The following MARK4 variants were observed in gnomAD, a reference collection of about 807,000 sequenced individuals.
The protein encoded by MARK4 is MAP/microtubule affinity-regulating kinase 4.
In MARK4, 19 loss-of-function variants were observed where a neutral mutation model predicts 81.5. That is an observed-to-expected ratio of 0.23 (90% CI 0.16 to 0.34). The LOEUF (loss-of-function observed/expected upper bound fraction) is 0.34, where lower values mean the gene tolerates loss of function less well. Among genes scored for constraint, MARK4 ranks in the 10% least tolerant of loss-of-function variants. The pLI is 1.00. For synonymous variants in MARK4, 436 were observed against 439.0 expected (o/e 0.99, Z 0.08); for missense variants, 772 against 1,058.8 (o/e 0.73, Z 3.76).
chr19:45,271,716 GAGGGGCTGGGTGC>G lies in MARK4; in HGVS notation c.786+15_786+27del. 6.2e-7 allele frequency: 1 copy of G among 1,613,292 alleles called. No homozygotes were observed. Among genetic ancestry groups the G allele is most frequent in the South Asian group, 1.1e-5 (1 of 91,040 alleles). Reference sequence around the variant, plus strand: ...GACGGGCACAACCTCAAGGTACCGAGAGGGGCTGGGTGCAGGGGCATCAGCCCCTCCCCACAGT... The same window carrying G: ...GACGGGCACAACCTCAAGGTACCGAGAGGGGCATCAGCCCCTCCCCACAGT... On this transcript the variant is annotated intron_variant, in intron 8 of 16. Transcript: ENST00000262891. This position sits in a 1 kb window ranked among gnomAD's most constrained non-coding sequence, Gnocchi z 4.1.
intron 1 of MARK4, among the ~76,000 whole-genome samples, chr19:45,253,496 AG>A (rs2123017543): frequency 6.6e-6 from 1 of 152,234 alleles, no homozygotes; most frequent in East Asian, 1.9e-4. Context: ...AGTGCCTCCA[AG>A]GCTTACTCGA....
intron 1 of MARK4, among the ~76,000 whole-genome samples, chr19:45,256,330 G>A (rs139000821): frequency 1.6e-4 from 24 of 152,262 alleles, no homozygotes; most frequent in Non-Finnish European, 2.4e-4. Context: ...CCAGCTACTC[G>A]GGAAAGCTGA....
chr19:45,265,860 G>A (rs1970446559), intron 6 of MARK4, among the ~76,000 whole-genome samples: 3 of 151,960 alleles, frequency 2.0e-5, no homozygotes, highest in Non-Finnish European at 4.4e-5. Context: ...CAGGTGTGAG[G>A]GTGTTTCTGC....
intron 9 of MARK4, among the ~76,000 whole-genome samples, 192 bp downstream of exon 9, chr19:45,278,234 C>A (rs1353022763): frequency 6.6e-6 from 1 of 152,116 alleles, no homozygotes; most frequent in Non-Finnish European, 1.5e-5. Flanking sequence ...ACGCCACCCC[C>A]CCGACAGGCT....
chr19:45,280,383 T>C lies in MARK4; in HGVS notation c.1016T>C (p.Val339Ala). ...FGDTKRIEVM[V>A]GMGYTREEIK... ...CATCCCCCCCTCCCAGAGGTGATGG[T>C]GGGTATGGGCTACACACGGGAAGAA... The change falls in exon 11 of 17, where the codon GTG becomes GCG. Residue 339 changes from valine (V) to alanine (A), a missense_variant. Coordinates refer to ENST00000262891, the MANE Select transcript of MARK4 (RefSeq NM_001199867.2). 6.2e-7 allele frequency: 1 copy of C among 1,613,570 alleles called. No individual in the cohort carries two copies. The highest frequency in any genetic ancestry group is 8.5e-7 in the Non-Finnish European group (1 of 1,179,766).
chr19:45,268,583 CAAA>C (rs1252401187), intron 7 of MARK4, among the ~76,000 whole-genome samples: 1 of 108,028 alleles, frequency 9.3e-6, no homozygotes. Flanking sequence ...GACTCCATCT[CAAA>C]AAAAAAAAAA....
In MARK4 at chr19:45,279,910, C is replaced by T. The variant is rs375003197; in HGVS notation, c.1007-464C>T. Among the ~76,000 whole-genome samples, 11 of 152,236 alleles carry T rather than the reference C, an allele frequency of 7.2e-5. No homozygotes were observed. In the East Asian group the frequency reaches 1.5e-3, roughly 21 times the overall value. The stretch of plus-strand genomic sequence containing the variant: ...ACTAATTAGCCAGACCTGGGTTATC[C>T]GCCTGCCTTAGGGTTGGAGCAGGGG... On this transcript the variant is annotated intron_variant, in intron 10 of 16. Transcript: ENST00000262891.
chr19:45,263,309 C>G lies in MARK4; in HGVS notation c.307-10C>G. 2 of 1,614,190 alleles carry G rather than the reference C, an allele frequency of 1.2e-6. No homozygotes were observed. Among genetic ancestry groups the G allele is most frequent in the East Asian group, 2.2e-5 (1 of 44,884 alleles). ...CACTCTCCTCTGTCTTCCTTTCTGGCCACGCCCAGCTGTTCCGAGAAGTCC... is the reference window on the plus strand; with the variant it reads ...CACTCTCCTCTGTCTTCCTTTCTGGGCACGCCCAGCTGTTCCGAGAAGTCC... On this transcript the variant is annotated splice_polypyrimidine_tract_variant and intron_variant, in intron 3 of 16. Transcript: ENST00000262891.
intron 12 of MARK4, among the ~76,000 whole-genome samples, chr19:45,284,157 A>G (rs919736159): frequency 6.6e-6 from 1 of 151,586 alleles, no homozygotes; most frequent in African/African-American, 2.4e-5. Flanking sequence ...TGGAATTACA[A>G]GCCACCTTGC....
intron 10 of MARK4, 63 bp downstream of exon 10, chr19:45,278,678 A>C: frequency 1.5e-5 from 18 of 1,236,820 alleles, no homozygotes; most frequent in Non-Finnish European, 2.1e-5. Flanking sequence ...ATCTCGGCTC[A>C]CTGCAACCTC....
chr19:45,304,827 A>G lies in MARK4; in HGVS notation c.*2117A>G, dbSNP rs1226879858. 1 of 152,394 alleles carries G rather than the reference A, an allele frequency of 6.6e-6. No individual in the cohort carries two copies. Among genetic ancestry groups the G allele is most frequent in the Non-Finnish European group, 1.5e-5 (1 of 68,164 alleles). The allele number at this position is 152,394 out of a possible 1,614,324, so 9.4% of individuals were successfully genotyped here. On this transcript the variant is annotated 3_prime_UTR_variant, in exon 17 of 17. Transcript: ENST00000262891. Reference sequence around the variant, plus strand: ...GCGTTTTAGGCACAGCAAATGGCACATACAAGGGCCAGGGAGCAAGAGAGA... The same window carrying G: ...GCGTTTTAGGCACAGCAAATGGCACGTACAAGGGCCAGGGAGCAAGAGAGA...
chr19:45,255,118 G>A (rs1970290582), intron 1 of MARK4, among the ~76,000 whole-genome samples: 2 of 151,884 alleles, frequency 1.3e-5, no homozygotes, highest in Non-Finnish European at 2.9e-5. Context: ...GGGAGGATTT[G>A]CTTGAACCCA....
At chr19:45,258,814 T>A (rs1970342799) in intron 1 of MARK4, 175 bp from the exon 2 acceptor site, 8 of 652,454 alleles carry the variant, frequency 1.2e-5, no homozygotes, top group Non-Finnish European at 1.5e-5. Flanking sequence ...ATGGGGGCTT[T>A]TGTTCCTGGA....
chr19:45,299,407 T>A (rs344803), intron 15 of MARK4, among the ~76,000 whole-genome samples: 2,196 of 152,050 alleles, frequency 0.014, 42 homozygotes, highest in African/African-American at 0.05. Flanking sequence ...AGAGTGAGAC[T>A]CTGTCTCAAA....
In MARK4 at chr19:45,271,713, C is replaced by A; in HGVS notation, c.786+5C>A. 2 of 1,613,374 alleles carry A rather than the reference C, an allele frequency of 1.2e-6. No homozygotes were observed. The highest frequency in any genetic ancestry group is 8.5e-7 in the Non-Finnish European group (1 of 1,179,588). ...TTCGACGGGCACAACCTCAAGGTAC[C>A]GAGAGGGGCTGGGTGCAGGGGCATC... On this transcript the variant is annotated splice_donor_5th_base_variant and intron_variant, in intron 8 of 16. Coordinates refer to ENST00000262891, the MANE Select transcript of MARK4 (RefSeq NM_001199867.2). This position sits in a 1 kb window ranked among gnomAD's most constrained non-coding sequence, Gnocchi z 4.1.
Position 45,303,455 on chromosome 19 carries a change from C to G in MARK4, c.*745C>G, listed in dbSNP as rs1971007005. ...GTGGGAATCCAGGCAGTGGTTTTTC[C>G]TTTCGGAGCCTCGGTTTTCTCATCT... On this transcript the variant is annotated 3_prime_UTR_variant, in exon 17 of 17. Coordinates refer to ENST00000262891, the MANE Select transcript of MARK4 (RefSeq NM_001199867.2). The G allele has an allele frequency of 6.6e-6, 1 of 152,064 alleles. No individual in the cohort carries two copies. Among genetic ancestry groups the G allele is most frequent in the Admixed American group, 6.6e-5 (1 of 15,242 alleles). 9.4% of individuals were successfully genotyped at this position (152,064 alleles called of 1,614,324 possible). A position where few individuals can be genotyped will look rare whatever the true frequency, so the allele number is the denominator to read the frequency against.
Position 45,287,650 on chromosome 19 carries a change from A to G in MARK4, c.1480A>G (p.Ser494Gly). ...AGAGATCCCAGAGCGGCGGAAGGAC[A>G]GCACGAGCACCCCCGTGAGTGACCA... ...KAEIPERRKDSTSTPNNLPPS... is the reference protein window; with the variant it reads ...KAEIPERRKDGTSTPNNLPPS... The change falls in exon 13 of 17, where the codon AGC (serine) becomes GGC (glycine). Residue 494 changes from serine (S) to glycine (G), a missense_variant. By Grantham distance (56) the Ser-to-Gly change is moderately conservative (BLOSUM62 0). This residue lies in a region of MARK4 where 548 missense variants were observed against 624.3 expected (regional missense o/e 0.88). Coordinates refer to ENST00000262891, the MANE Select transcript of MARK4 (RefSeq NM_001199867.2). 6.3e-7 allele frequency: 1 copy of G among 1,599,490 alleles called. No homozygotes were observed.
At chr19:45,259,283 G>C in intron 2 of MARK4, 94 bp downstream of exon 2, 1 of 1,415,308 alleles carries the variant, frequency 7.1e-7, no homozygotes, top group Non-Finnish European at 9.6e-7. Context: ...CCCTGGGTTT[G>C]CTTTGTGGCC....
At chr19:45,281,861 C>T (rs572815816) in intron 12 of MARK4, among the ~76,000 whole-genome samples, 1 of 152,134 alleles carries the variant, frequency 6.6e-6, no homozygotes, top group Non-Finnish European at 1.5e-5. Context: ...GAGAGCTGGG[C>T]GGACAGCTGA....
Sources: allele counts gnomAD v4.1 joint callset (sites outside exome capture counted in the v4.1 genomes callset), GRCh38; gene constraint gnomAD v4.1.1; regional missense constraint gnomAD v4.1.1; non-coding constraint Gnocchi (gnomAD v3.1); transcripts MANE v1.5; gene names NCBI Gene and HGNC (gene_info 2026-07-23, HGNC 2026-07-21).